OR9Q1: variants seen among roughly 807,000 people sequenced by gnomAD.
OR9Q1 encodes the protein olfactory receptor 9Q1.
For missense variants in OR9Q1, 374 were observed against 378.8 expected (o/e 0.99, Z 0.11); for synonymous variants, 153 against 148.6 (o/e 1.03, Z -0.22).
At chr11:58,177,326 T>C (rs1200701571) in intron 2 of OR9Q1, among the ~76,000 whole-genome samples, 1 of 152,186 alleles carries the variant, frequency 6.6e-6, no homozygotes, top group Non-Finnish European at 1.5e-5. Context: ...AGAGATTCTG[T>C]GTACAGTTTT....
chr11:58,118,736 T>C, intron 2 of OR9Q1: 1 of 1,614,058 alleles, frequency 6.2e-7, no homozygotes, highest in Non-Finnish European at 8.5e-7. Flanking sequence ...GTGGAGAAAG[T>C]CTTGGCCCTG....
chr11:58,122,098 C>A (rs932997073), intron 2 of OR9Q1, among the ~76,000 whole-genome samples: 3 of 152,176 alleles, frequency 2.0e-5, no homozygotes, highest in African/African-American at 7.2e-5. Flanking sequence ...TGTGATGAGG[C>A]CCCATCTCTA....
intron 2 of OR9Q1, among the ~76,000 whole-genome samples, chr11:58,096,305 C>T (rs1364785159): frequency 6.6e-6 from 1 of 152,126 alleles, no homozygotes; most frequent in Non-Finnish European, 1.5e-5. Context: ...ATGCATATCA[C>T]CACCACACAG....
At chr11:58,041,548 A>G in intron 1 of OR9Q1, 1 of 152,792 alleles carries the variant, frequency 6.5e-6, no homozygotes, top group Non-Finnish European at 1.5e-5. Context: ...GAGAAAGAGC[A>G]GGGCTGTGCA....
intron 2 of OR9Q1, among the ~76,000 whole-genome samples, chr11:58,138,768 T>C (rs1854213239): frequency 6.6e-6 from 1 of 152,206 alleles, no homozygotes; most frequent in African/African-American, 2.4e-5. Flanking sequence ...CACTTAGCAT[T>C]TTTTGTGGTG....
chr11:58,032,652 A>T (rs1354273626), intron 1 of OR9Q1, among the ~76,000 whole-genome samples: 1 of 152,138 alleles, frequency 6.6e-6, no homozygotes, highest in African/African-American at 2.4e-5. Context: ...CTCAAACTAT[A>T]AAAAAATCCT....
At chr11:58,127,841 T>TG (rs776105510) in intron 2 of OR9Q1, among the ~76,000 whole-genome samples, 2 of 152,188 alleles carry the variant, frequency 1.3e-5, no homozygotes, top group African/African-American at 2.4e-5. Context: ...TCTAATGAAG[T>TG]TTGGACTTTT....
intron 2 of OR9Q1, among the ~76,000 whole-genome samples, chr11:58,143,079 A>G (rs891494235): frequency 1.3e-5 from 2 of 152,148 alleles, no homozygotes; most frequent in Non-Finnish European, 2.9e-5. Flanking sequence ...ACCCTAAAGA[A>G]AGGTGGAGTT....
intron 2 of OR9Q1, among the ~76,000 whole-genome samples, chr11:58,148,565 A>G (rs745779239): frequency 2.6e-5 from 4 of 152,194 alleles, no homozygotes; most frequent in African/African-American, 4.8e-5. Flanking sequence ...CCAAGCCCCA[A>G]TGCCACCATC....
At chr11:58,093,852 G>A (rs1022763728) in intron 2 of OR9Q1, among the ~76,000 whole-genome samples, 1 of 150,282 alleles carries the variant, frequency 6.7e-6, no homozygotes, top group South Asian at 2.1e-4. Context: ...TAGTGTGAAT[G>A]TAAATTAGCA....
At chr11:58,119,526 A>T in intron 2 of OR9Q1, 1 of 965,770 alleles carries the variant, frequency 1.0e-6, no homozygotes, top group Non-Finnish European at 1.5e-6. Context: ...CTTTCCCTCT[A>T]TGGTGGAAGT....
chr11:58,062,680 G>C (rs752277269), intron 2 of OR9Q1, among the ~76,000 whole-genome samples: 1 of 152,156 alleles, frequency 6.6e-6, no homozygotes, highest in Non-Finnish European at 1.5e-5. Flanking sequence ...CATGGGGATT[G>C]TACTAATTTC....
intron 2 of OR9Q1, among the ~76,000 whole-genome samples, chr11:58,170,810 T>C (rs967106251): frequency 2.0e-5 from 3 of 152,212 alleles, no homozygotes; most frequent in Non-Finnish European, 2.9e-5. Context: ...CACGTGGAAC[T>C]GTGTGTCCAT....
At position 58,042,052 on chromosome 11, in the gene OR9Q1, G is replaced by A. The variant is rs146269963; in HGVS notation, c.-92-13818G>A. ...ATTTATTCAGGCATCAGCCAATTTA[G>A]TTTAAGGAATGTTTATGGAGTGCTT... is the stretch of plus-strand genomic sequence containing the variant. On this transcript the variant is annotated intron_variant, in intron 1 of 2. Coordinates refer to ENST00000335397, the MANE Select transcript of OR9Q1 (RefSeq NM_001005212.4). Among the ~76,000 whole-genome samples, 16 of 152,330 alleles carry A rather than the reference G, an allele frequency of 1.1e-4. 1 individual carries two copies. The highest frequency in any genetic ancestry group is 2.9e-4 in the African/African-American group (12 of 41,576).
chr11:58,168,567 C>T (rs1267324083), intron 2 of OR9Q1, among the ~76,000 whole-genome samples: 1 of 152,068 alleles, frequency 6.6e-6, no homozygotes, highest in East Asian at 1.9e-4. Flanking sequence ...TCTCATTAAT[C>T]AATTCTAGTG....
intron 2 of OR9Q1, among the ~76,000 whole-genome samples, chr11:58,138,060 G>A (rs1475069811): frequency 1.3e-5 from 2 of 152,176 alleles, no homozygotes; most frequent in Non-Finnish European, 2.9e-5. Flanking sequence ...ACCCACACTT[G>A]AATCCAGGCC....
At chr11:58,131,378 A>G (rs1160931187) in intron 2 of OR9Q1, among the ~76,000 whole-genome samples, 1 of 152,172 alleles carries the variant, frequency 6.6e-6, no homozygotes, top group Non-Finnish European at 1.5e-5. Flanking sequence ...TTTTTGGGAT[A>G]TAAATTTTCT....
intron 2 of OR9Q1, among the ~76,000 whole-genome samples, chr11:58,088,539 T>C (rs1853654737): frequency 6.6e-6 from 1 of 151,988 alleles, no homozygotes; most frequent in Non-Finnish European, 1.5e-5. Flanking sequence ...TGGTATCTCA[T>C]TGTGGTTTTG....
chr11:58,059,381 T>C (rs1468369294), intron 2 of OR9Q1, among the ~76,000 whole-genome samples: 1 of 151,654 alleles, frequency 6.6e-6, no homozygotes, highest in Non-Finnish European at 1.5e-5. Flanking sequence ...AGGAAAATAA[T>C]TGGAAAAAAT....
Sources: gnomAD v4.1 joint callset for allele counts (sites outside exome capture counted in the v4.1 genomes callset) on GRCh38, gnomAD v4.1.1 for gene constraint, MANE v1.5 for transcripts, NCBI Gene and HGNC (gene_info 2026-07-23, HGNC 2026-07-21) for gene names.